Variants in PCNX1 observed in about 807,000 individuals in gnomAD.
The protein encoded by PCNX1 is pecanex 1, also known as pecanex-like protein 1.
Under a neutral mutation model 242.2 loss-of-function variants are expected in PCNX1, and 78 were observed. That is an observed-to-expected ratio of 0.32 (90% CI 0.27 to 0.39). The LOEUF (loss-of-function observed/expected upper bound fraction) is 0.39. Among genes scored for constraint, PCNX1 ranks in the 10% least tolerant of loss-of-function variants. PCNX1 has a pLI of 1.00. For synonymous variants in PCNX1, 1,024 were observed against 1,032.9 expected, an observed-to-expected ratio of 0.99 and a Z score of 0.17; for missense variants, 2,581 against 2,856.5, an observed-to-expected ratio of 0.90 and a Z score of 2.20.
chr14:71,041,479 A>G (rs192142566), intron 19 of PCNX1, among the ~76,000 whole-genome samples: 26 of 152,238 alleles, frequency 1.7e-4, no homozygotes, highest in African/African-American at 6.0e-4. Context: ...TTTCCAATTT[A>G]TTCACATATA....
chr14:70,961,416 A>C (rs996081322), intron 2 of PCNX1, among the ~76,000 whole-genome samples: 1 of 152,220 alleles, frequency 6.6e-6, no homozygotes, highest in African/African-American at 2.4e-5. Flanking sequence ...GCAATGGGGA[A>C]AGGATTCCCT....
Position 70,977,582 on chromosome 14 carries a change from A to G in PCNX1, c.1245A>G (p.Ser415=). ...TSSTHIESIL[S]EHEESPKAGT... ...CAACTCACATAGAGAGCATCCTGTC[A>G]GAGCATGAGGAGTCTCCTAAAGCAG... is the stretch of plus-strand genomic sequence containing the variant. The change falls in exon 6 of 36, where the codon TCA becomes TCG. Residue 415 remains serine (S), a synonymous_variant. Transcript: ENST00000304743. 1.2e-6 allele frequency: 2 copies of G among 1,614,240 alleles called. No homozygotes were observed. The highest frequency in any genetic ancestry group is 1.7e-6 in the Non-Finnish European group (2 of 1,180,038).
intron 11 of PCNX1, among the ~76,000 whole-genome samples, chr14:71,017,125 A>G (rs1315887028): frequency 6.6e-6 from 1 of 152,232 alleles, no homozygotes; most frequent in East Asian, 1.9e-4. Flanking sequence ...TAAGTTCAAC[A>G]TTGGACAAAT....
At chr14:71,023,295 T>C in intron 13 of PCNX1, 63 bp downstream of exon 13, 1 of 1,271,454 alleles carries the variant, frequency 7.9e-7, no homozygotes. Flanking sequence ...ATATTTGTGG[T>C]TTGTTTTTTG....
chr14:70,921,526 A>G (rs1003453500), intron 1 of PCNX1, among the ~76,000 whole-genome samples: 3 of 152,192 alleles, frequency 2.0e-5, no homozygotes, highest in African/African-American at 7.2e-5. Context: ...GAATAAAGAT[A>G]GCTAATCTTA....
chr14:71,051,786 T>C (rs763626531), intron 23 of PCNX1, 97 bp from the exon 24 acceptor site: 5 of 1,138,246 alleles, frequency 4.4e-6, no homozygotes, highest in Admixed American at 4.5e-5. Flanking sequence ...AGTTCTCTAA[T>C]TGAGGTAATC....
chr14:71,041,607 A>G (rs1255730824), intron 19 of PCNX1, among the ~76,000 whole-genome samples: 1 of 151,972 alleles, frequency 6.6e-6, no homozygotes, highest in Non-Finnish European at 1.5e-5. Flanking sequence ...AGCTAAAGGT[A>G]TGTCAATTTT....
At position 71,105,344 on chromosome 14, in the gene PCNX1, C is replaced by T. The variant is rs2062582917; in HGVS notation, c.6205C>T (p.Pro2069Ser). The T allele has an allele frequency of 6.2e-7, 1 of 1,614,062 alleles. No individual in the cohort carries two copies. Among genetic ancestry groups the T allele is most frequent in the South Asian group, 1.1e-5 (1 of 91,080 alleles). The part of the protein sequence containing the change: ...TGNNATTANN[P>S]HSNVTQGSIG... ...TAACAATGCAACAACTGCCAACAAT[C>T]CCCACAGCAACGTGACCCAGGGAAG... is the stretch of plus-strand genomic sequence containing the variant. The change falls in exon 33 of 36, where the codon CCC becomes TCC. Residue 2069 changes from proline to serine, a missense_variant. Pro to Ser is a moderately conservative substitution (Grantham distance 74). Coordinates refer to ENST00000304743, the MANE Select transcript of PCNX1 (RefSeq NM_014982.3).
chr14:71,022,080 CA>C (rs1201690609), intron 12 of PCNX1, among the ~76,000 whole-genome samples: 5 of 152,100 alleles, frequency 3.3e-5, no homozygotes, highest in African/African-American at 4.8e-5. Flanking sequence ...TTTTCTTTCC[CA>C]ATATCTTTGC....
chr14:71,114,904 T>TATC lies in PCNX1; in HGVS notation c.*4970_*4972dup, dbSNP rs1453146130. ...GTACTTGTGATTGAACAAGATTTTT[T>TATC]ATCTATGAAGCTTGATTCTACAACC... On this transcript the variant is annotated 3_prime_UTR_variant, in exon 36 of 36. Transcript: ENST00000304743. 1 of 137,014 alleles carries TATC rather than the reference T, an allele frequency of 7.3e-6. No homozygotes were observed. Among genetic ancestry groups the TATC allele is most frequent in the East Asian group, 2.5e-4 (1 of 4,020 alleles). 8.5% of individuals were successfully genotyped at this position (137,014 alleles called of 1,614,324 possible). A position where few individuals can be genotyped will look rare whatever the true frequency, so the allele number is the denominator to read the frequency against.
intron 23 of PCNX1, among the ~76,000 whole-genome samples, chr14:71,051,168 C>CAAAA (rs758181078): frequency 1.2e-4 from 5 of 41,778 alleles, no homozygotes; most frequent in South Asian, 1.2e-3. Flanking sequence ...AACTCTGTCT[C>CAAAA]AAAAAAAAAA....
chr14:70,962,129 T>C, intron 2 of PCNX1, 97 bp from the exon 3 acceptor site: 1 of 775,342 alleles, frequency 1.3e-6, no homozygotes, highest in Non-Finnish European at 2.2e-6. Context: ...AACCTCTTAG[T>C]TTTGTGGAAA....
At chr14:71,068,593 T>TGCGTGTGC (rs1211629336) in intron 26 of PCNX1, among the ~76,000 whole-genome samples, 4 of 135,146 alleles carry the variant, frequency 3.0e-5, no homozygotes, top group Non-Finnish European at 6.3e-5. Context: ...TGTACGTGCG[T>TGCGTGTGC]GTGTGTGTGT....
At chr14:70,935,264 G>A (rs1176457900) in intron 1 of PCNX1, among the ~76,000 whole-genome samples, 3 of 152,108 alleles carry the variant, frequency 2.0e-5, no homozygotes, top group Non-Finnish European at 2.9e-5. Flanking sequence ...AAGAAATTCT[G>A]AGCTGGGCAC....
In PCNX1 at chr14:71,108,899, C is replaced by T; in HGVS notation, c.6597C>T (p.Ser2199=). 1 of 1,614,254 alleles carries T rather than the reference C, an allele frequency of 6.2e-7. No homozygotes were observed. The highest frequency in any genetic ancestry group is 1.6e-4 in the Middle Eastern group (1 of 6,062). The stretch of plus-strand genomic sequence containing the variant: ...CTTCCTCCAGCAGCTCCAGCCAAAG[C>T]ATCCCAGCCTGCAAACATCACACTC... ...GLPSSSSSSQ[S]IPACKHHTLV... Residue 2199 remains serine, a synonymous_variant, in exon 34 of 36, where the codon AGC becomes AGT. Coordinates refer to ENST00000304743, the MANE Select transcript of PCNX1 (RefSeq NM_014982.3).
At chr14:70,936,655 G>A (rs2057017446) in intron 1 of PCNX1, among the ~76,000 whole-genome samples, 2 of 152,204 alleles carry the variant, frequency 1.3e-5, no homozygotes, top group African/African-American at 2.4e-5. Context: ...CCAGTAATGG[G>A]ATGGCTGGGT....
At chr14:70,926,664 G>A (rs915826553) in intron 1 of PCNX1, among the ~76,000 whole-genome samples, 10 of 152,156 alleles carry the variant, frequency 6.6e-5, no homozygotes, top group African/African-American at 2.4e-4. Flanking sequence ...GGTGCCCACA[G>A]CGAGGAACAT....
chr14:70,978,434 A>G lies in PCNX1; in HGVS notation c.2097A>G (p.Ala699=), dbSNP rs756438637. The G allele has an allele frequency of 1.9e-6, 3 of 1,614,058 alleles. No individual in the cohort carries two copies. The highest frequency in any genetic ancestry group is 2.2e-5 in the East Asian group (1 of 44,900). ...RVLSLDSGTV[A]CLNDSNRLMA... Reference sequence around the variant, plus strand: ...TGAGCCTGGACAGTGGCACAGTAGCATGTTTGAATGACTCAAACAGGTTAA... The same window carrying G: ...TGAGCCTGGACAGTGGCACAGTAGCGTGTTTGAATGACTCAAACAGGTTAA... Residue 699 remains alanine (A), a synonymous_variant, in exon 6 of 36, where the codon GCA becomes GCG. Transcript: ENST00000304743.
chr14:71,047,641 A>C (rs971665467), intron 21 of PCNX1, among the ~76,000 whole-genome samples, 166 bp from the exon 22 acceptor site: 1 of 152,184 alleles, frequency 6.6e-6, no homozygotes, highest in Non-Finnish European at 1.5e-5. Flanking sequence ...GAATAGTCAG[A>C]TACTTTCAGG....
Sources: allele counts gnomAD v4.1 joint callset (sites outside exome capture counted in the v4.1 genomes callset), GRCh38; gene constraint gnomAD v4.1.1; transcripts MANE v1.5; gene names NCBI Gene and HGNC (gene_info 2026-07-23, HGNC 2026-07-21).